The following RGS20 variants were observed in gnomAD, a reference collection of about 807,000 sequenced individuals.
RGS20 encodes the protein gz-selective GTPase-activating protein.
In RGS20, 30 loss-of-function variants were observed where a neutral mutation model predicts 33.6. The observed-to-expected ratio is 0.89, with a 90% CI of 0.67 to 1.21. RGS20 has a LOEUF of 1.21. Ranked by LOEUF, RGS20 falls within the 50% of genes most tolerant of loss-of-function variation. RGS20 has a pLI of 0.00. For missense variants in RGS20, 472 were observed against 502.4 expected, an observed-to-expected ratio of 0.94 and a Z score of 0.58; for synonymous variants, 208 against 197.9, an observed-to-expected ratio of 1.05 and a Z score of -0.43.
intron 2 of RGS20, among the ~76,000 whole-genome samples, chr8:53,898,568 A>G (rs372485949): frequency 2.2e-4 from 33 of 152,368 alleles, no homozygotes; most frequent in African/African-American, 7.2e-4. Context: ...TGAAGCATGC[A>G]TAACACATGA....
chr8:53,901,606 C>A (rs1813034489), intron 2 of RGS20, among the ~76,000 whole-genome samples: 1 of 152,162 alleles, frequency 6.6e-6, no homozygotes, highest in East Asian at 1.9e-4. Flanking sequence ...GATGGTTGAA[C>A]CTTCAGGACA....
At chr8:53,924,363 T>C (rs34749392) in intron 2 of RGS20, among the ~76,000 whole-genome samples, 43,619 of 151,846 alleles carry the variant, frequency 0.29, 6,442 homozygotes, top group African/African-American at 0.35. Context: ...AATTTTTGTA[T>C]TTTTAGTACA....
In RGS20 at chr8:53,957,699, C is replaced by A. The variant is rs535159414; in HGVS notation, c.979-571C>A. Among the ~76,000 whole-genome samples the A allele has an allele frequency of 1.8e-4, 27 of 152,368 alleles. No individual in the cohort carries two copies. In the South Asian group the frequency reaches 5.0e-3, roughly 28 times the overall value. On this transcript the variant is annotated intron_variant, in intron 5 of 5. Transcript: ENST00000297313. Reference sequence around the variant, plus strand: ...ATAACAAGCATCAGGGGCCCCTACACCTACTGAGTCTGGGGTGGGGCCCAG... The same window carrying A: ...ATAACAAGCATCAGGGGCCCCTACAACTACTGAGTCTGGGGTGGGGCCCAG...
intron 1 of RGS20, among the ~76,000 whole-genome samples, chr8:53,866,880 T>C (rs577503806): frequency 5.3e-5 from 8 of 152,228 alleles, no homozygotes; most frequent in African/African-American, 1.4e-4. Flanking sequence ...GGGATTATGC[T>C]CTGCTTCCTC....
chr8:53,925,552 C>T (rs898074975), intron 2 of RGS20, among the ~76,000 whole-genome samples: 4 of 151,732 alleles, frequency 2.6e-5, no homozygotes, highest in East Asian at 1.9e-4. Flanking sequence ...CCAAGGTGGG[C>T]GGATCACCTC....
At chr8:53,952,510 G>A (rs903542686) in intron 4 of RGS20, among the ~76,000 whole-genome samples, 3 of 151,402 alleles carry the variant, frequency 2.0e-5, no homozygotes, top group Admixed American at 6.6e-5. Context: ...TGGATCACCT[G>A]AGGTCAGGAG....
At chr8:53,852,637 GA>G (rs1170797244) in intron 1 of RGS20, among the ~76,000 whole-genome samples, 1 of 151,864 alleles carries the variant, frequency 6.6e-6, no homozygotes, top group African/African-American at 2.4e-5. Flanking sequence ...GTGTATATTT[GA>G]AAAAAATACA....
intron 1 of RGS20, among the ~76,000 whole-genome samples, chr8:53,865,114 C>T (rs188741899): frequency 5.3e-4 from 80 of 152,356 alleles, no homozygotes; most frequent in African/African-American, 1.8e-3. Context: ...AGCTATAAAG[C>T]CCAGGCAGCC....
chr8:53,852,443 C>T (rs369890384), intron 1 of RGS20, among the ~76,000 whole-genome samples: 17 of 152,104 alleles, frequency 1.1e-4, no homozygotes, highest in East Asian at 7.7e-4. Context: ...AATTATAGAC[C>T]GCTTTCTACA....
Position 53,879,459 on chromosome 8 carries a change from C to T in RGS20, c.367C>T (p.Leu123=), listed in dbSNP as rs1812292323. The T allele has an allele frequency of 6.3e-7, 1 of 1,591,760 alleles. No individual in the cohort carries two copies. ...CCGGCTCTCGAGGGGGCACGAGGAG[C>T]TGCCGGGCCGCCTCTCGCTCCTGCT... The change falls in exon 2 of 6, where the codon CTG becomes TTG. Residue 123 remains leucine, a synonymous_variant. Coordinates refer to ENST00000297313, the MANE Select transcript of RGS20 (RefSeq NM_170587.4).
intron 2 of RGS20, among the ~76,000 whole-genome samples, chr8:53,908,576 G>T (rs1049225032): frequency 6.6e-6 from 1 of 151,922 alleles, no homozygotes; most frequent in African/African-American, 2.4e-5. Context: ...GGAGGCAGAA[G>T]TTGCAGTGAG....
chr8:53,870,216 C>G (rs189527767), intron 1 of RGS20, among the ~76,000 whole-genome samples: 3 of 152,286 alleles, frequency 2.0e-5, no homozygotes, highest in Non-Finnish European at 4.4e-5. Context: ...CTCCTAAGCT[C>G]TATGCATCCT....
At chr8:53,899,119 A>G (rs1443998664) in intron 2 of RGS20, among the ~76,000 whole-genome samples, 1 of 152,198 alleles carries the variant, frequency 6.6e-6, no homozygotes, top group Non-Finnish European at 1.5e-5. Context: ...ATGCTGTGCG[A>G]TGCTCCTGTG....
chr8:53,895,884 T>A (rs1171795312), intron 2 of RGS20, among the ~76,000 whole-genome samples: 1 of 152,056 alleles, frequency 6.6e-6, no homozygotes, highest in Non-Finnish European at 1.5e-5. Context: ...TGACCTCAAA[T>A]GATCTGCCCG....
intron 2 of RGS20, among the ~76,000 whole-genome samples, chr8:53,880,444 C>T (rs1812330008): frequency 6.6e-6 from 1 of 151,936 alleles, no homozygotes; most frequent in African/African-American, 2.4e-5. Flanking sequence ...GCGCCCCGGG[C>T]CGGGGAGAAG....
chr8:53,925,825 C>T (rs1813780520), intron 2 of RGS20, among the ~76,000 whole-genome samples: 1 of 152,084 alleles, frequency 6.6e-6, no homozygotes, highest in Admixed American at 6.6e-5. Context: ...TCTAGTAGCA[C>T]TGTGTTCTGA....
intron 1 of RGS20, chr8:53,876,203 G>A (rs1812204034): frequency 6.6e-6 from 1 of 152,154 alleles, no homozygotes; most frequent in African/African-American, 2.4e-5. Context: ...TTTGGTACAG[G>A]AGTCATTTAT....
At chr8:53,884,048 C>T (rs1812470205) in intron 2 of RGS20, among the ~76,000 whole-genome samples, 1 of 152,080 alleles carries the variant, frequency 6.6e-6, no homozygotes, top group Non-Finnish European at 1.5e-5. Flanking sequence ...CAAGCAAAAG[C>T]TGTTATTACT....
chr8:53,868,679 T>C (rs533881204), intron 1 of RGS20, among the ~76,000 whole-genome samples: 2 of 152,188 alleles, frequency 1.3e-5, no homozygotes, highest in Non-Finnish European at 2.9e-5. Flanking sequence ...TGTATGTCTA[T>C]ATTAGATATA....
Sources: allele counts gnomAD v4.1 joint callset (sites outside exome capture counted in the v4.1 genomes callset), GRCh38; gene constraint gnomAD v4.1.1; transcripts MANE v1.5; gene names NCBI Gene and HGNC (gene_info 2026-07-23, HGNC 2026-07-21).